BLTP1: variants seen among roughly 807,000 people sequenced by gnomAD.
The protein encoded by BLTP1 is fragile site-associated protein.
the BLTP1 span, among the ~76,000 whole-genome samples, chr4:122,321,820 G>T: frequency 8.9e-6 from 1 of 112,654 alleles, no homozygotes; most frequent in Non-Finnish European, 1.8e-5. Flanking sequence ...ATTTTGCAAG[G>T]TATATGATTC....
the BLTP1 span, among the ~76,000 whole-genome samples, chr4:122,163,364 T>C: frequency 6.6e-6 from 1 of 152,276 alleles, no homozygotes; most frequent in Middle Eastern, 3.4e-3. Context: ...GCAAGGACAA[T>C]TTGAGTGTTA....
At chr4:122,353,038 C>T in the BLTP1 span, 1 of 1,613,896 alleles carries the variant, frequency 6.2e-7, no homozygotes, top group Non-Finnish European at 8.5e-7. The surrounding 1 kb of genome is among the most constrained non-coding windows in gnomAD (Gnocchi z 4.3). Context: ...ACATGGAAAT[C>T]ATATGACACT....
the BLTP1 span, chr4:122,248,031 G>A: frequency 1.0e-6 from 1 of 984,782 alleles, no homozygotes; most frequent in East Asian, 1.1e-4. Flanking sequence ...TGAATTCCCT[G>A]AATTTGCTTA....
At chr4:122,175,080 A>C in the BLTP1 span, 1 of 953,336 alleles carries the variant, frequency 1.0e-6, no homozygotes, top group Non-Finnish European at 1.2e-6. Flanking sequence ...GGAAACACAA[A>C]TATGAATATA....
At chr4:122,201,023 C>T in the BLTP1 span, 1 of 1,612,154 alleles carries the variant, frequency 6.2e-7, no homozygotes, top group Non-Finnish European at 8.5e-7. Flanking sequence ...ACATCAATGC[C>T]AGCTACCCCC....
chr4:122,353,921 A>G, the BLTP1 span: 1 of 1,613,996 alleles, frequency 6.2e-7, no homozygotes, highest in Non-Finnish European at 8.5e-7. The surrounding 1 kb of genome is among the most constrained non-coding windows in gnomAD (Gnocchi z 4.3). Flanking sequence ...TATGGCAACA[A>G]TAACCAAGAT....
chr4:122,318,315 A>C, the BLTP1 span: 10 of 1,506,812 alleles, frequency 6.6e-6, no homozygotes, highest in Middle Eastern at 1.7e-4. Flanking sequence ...AAACCACCTG[A>C]CTTTTTCCTA....
At chr4:122,231,743 T>C in the BLTP1 span, 2 of 976,696 alleles carry the variant, frequency 2.0e-6, no homozygotes, top group African/African-American at 3.5e-5. Context: ...GTGTATATTA[T>C]TCTAGGTAAG....
chr4:122,224,721 C>T, the BLTP1 span: 1 of 1,613,468 alleles, frequency 6.2e-7, no homozygotes, highest in Non-Finnish European at 8.5e-7. Flanking sequence ...TTTCTTTTTC[C>T]TTTCTCTACC....
At chr4:122,247,484 AT>A in the BLTP1 span, 1 of 1,131,556 alleles carries the variant, frequency 8.8e-7, no homozygotes, top group Non-Finnish European at 1.3e-6. Context: ...AGAGAAAGGT[AT>A]TTCTCCCTAT....
the BLTP1 span, chr4:122,229,050 G>A: frequency 7.7e-7 from 1 of 1,296,970 alleles, no homozygotes; most frequent in Non-Finnish European, 1.0e-6. Context: ...TTTATTTAAA[G>A]AAGATGACTT....
chr4:122,231,650 T>C, the BLTP1 span: 14 of 960,804 alleles, frequency 1.5e-5, no homozygotes, highest in Non-Finnish European at 1.7e-5. Flanking sequence ...AGTAATCAAA[T>C]AGCATCTGTA....
chr4:122,295,748 A>G, the BLTP1 span, among the ~76,000 whole-genome samples: 2 of 152,146 alleles, frequency 1.3e-5, no homozygotes, highest in Non-Finnish European at 2.9e-5. Flanking sequence ...ATCCACCACA[A>G]TCAAGTGGGC....
chr4:122,300,921 A>G, the BLTP1 span: 1 of 856,394 alleles, frequency 1.2e-6, no homozygotes, highest in Non-Finnish European at 1.4e-6. Flanking sequence ...GCCCAGGCAA[A>G]AAAAAAAAAA....
chr4:122,271,924 C>A, the BLTP1 span, among the ~76,000 whole-genome samples: 1 of 152,068 alleles, frequency 6.6e-6, no homozygotes, highest in African/African-American at 2.4e-5. Context: ...TAAACTCTTA[C>A]GTGGTATGTT....
the BLTP1 span, among the ~76,000 whole-genome samples, chr4:122,160,157 T>C: frequency 1.3e-5 from 2 of 152,234 alleles, no homozygotes; most frequent in Non-Finnish European, 2.9e-5. Flanking sequence ...TTTGAAGATT[T>C]TCCACATCTT....
chr4:122,200,114 G>A, the BLTP1 span: 1 of 905,202 alleles, frequency 1.1e-6, no homozygotes, highest in South Asian at 5.1e-5. Context: ...TTTTACATAT[G>A]ACATATGTAA....
At chr4:122,262,517 G>A in the BLTP1 span, among the ~76,000 whole-genome samples, 15 of 152,056 alleles carry the variant, frequency 9.9e-5, no homozygotes, top group Non-Finnish European at 2.1e-4. Flanking sequence ...AAGTGGATGT[G>A]CTTCATTATA....
chr4:122,159,540 T>C, the BLTP1 span, among the ~76,000 whole-genome samples: 1 of 152,226 alleles, frequency 6.6e-6, no homozygotes. Flanking sequence ...CCATGGACTT[T>C]ATTGTTTTTT....
Sources: gnomAD v4.1 joint callset for allele counts (sites outside exome capture counted in the v4.1 genomes callset) on GRCh38, gnomAD v4.1.1 for gene constraint, Gnocchi (gnomAD v3.1) non-coding constraint, MANE v1.5 for transcripts, NCBI Gene and HGNC (gene_info 2026-07-23, HGNC 2026-07-21) for gene names.